The following ZNF652 variants were observed in gnomAD, a reference collection of about 807,000 sequenced individuals.
ZNF652 encodes zinc finger protein 652.
ZNF652 carries 16 observed loss-of-function variants against 45.2 expected under a neutral mutation model. The observed-to-expected ratio is 0.35, with a 90% CI of 0.24 to 0.54. ZNF652 has a LOEUF of 0.54. ZNF652 is among the 20% of genes least tolerant of loss of function. The probability of loss-of-function intolerance (pLI) is 0.91; values close to 1 mark genes in which losing one functional copy is unlikely to be tolerated. For synonymous variants in ZNF652, 250 were observed against 260.6 expected (o/e 0.96, Z 0.39); for missense variants, 614 against 765.6 (o/e 0.80, Z 2.34).
downstream of ZNF652, among the ~76,000 whole-genome samples, chr17:49,288,866 G>A (rs944438823): frequency 6.6e-6 from 1 of 152,152 alleles, no homozygotes; most frequent in African/African-American, 2.4e-5. Context: ...AATTGGTTCA[G>A]AACCCAATCC....
intron 1 of ZNF652, among the ~76,000 whole-genome samples, chr17:49,327,754 T>A (rs1480890981): frequency 1.8e-4 from 1 of 5,554 alleles, no homozygotes; most frequent in African/African-American, 1.0e-3. Flanking sequence ...TATATATATA[T>A]ATATATATAT....
chr17:49,298,483 T>C lies in ZNF652; in HGVS notation c.1751A>G (p.His584Arg). 2 of 1,612,936 alleles carry C rather than the reference T, an allele frequency of 1.2e-6. No homozygotes were observed. Among genetic ancestry groups the C allele is most frequent in the Admixed American group, 1.7e-5 (1 of 59,960 alleles). ...AAAGTTGTCCTCACTCTGGCCTCTA[T>C]GATTTAAAGGCTCACTCTTAAAGAG... ...PALFKSEPLN[H>R]RGQSEDNFLR... Residue 584 changes from histidine to arginine, a missense_variant, in exon 6 of 6, where the codon CAT becomes CGT. This residue lies in a region of ZNF652 where 132 missense variants were observed against 137.2 expected (regional missense o/e 0.96). Coordinates refer to ENST00000430262, the MANE Select transcript of ZNF652 (RefSeq NM_001145365.3).
intron 1 of ZNF652, among the ~76,000 whole-genome samples, chr17:49,319,533 G>A (rs1015093521): frequency 4.0e-5 from 6 of 150,502 alleles, no homozygotes; most frequent in South Asian, 2.1e-4. Flanking sequence ...CTCAGGAGAC[G>A]GAGGCAGGAG....
intron 1 of ZNF652, among the ~76,000 whole-genome samples, chr17:49,325,977 A>G (rs1409203541): frequency 6.6e-6 from 1 of 152,146 alleles, no homozygotes; most frequent in Admixed American, 6.5e-5. Flanking sequence ...TATTTTTCCC[A>G]TAAGTCCTGT....
At chr17:49,359,561 C>T (rs533023237) in intron 1 of ZNF652, among the ~76,000 whole-genome samples, 1 of 152,222 alleles carries the variant, frequency 6.6e-6, no homozygotes, top group South Asian at 2.1e-4. Flanking sequence ...CCTAAAGAGC[C>T]GGTACTGTGC....
chr17:49,343,662 T>TC (rs1260375421), intron 1 of ZNF652, among the ~76,000 whole-genome samples: 5 of 152,114 alleles, frequency 3.3e-5, no homozygotes, highest in Admixed American at 6.6e-5. Context: ...AATAACTTTT[T>TC]TTTTTTTTTT....
chr17:49,317,182 C>T lies in ZNF652; in HGVS notation c.544G>A (p.Val182Ile), dbSNP rs1319668324. ...CTTTGTGTAACGCTGACTTTCTCTA[C>T]TATCTTCTCCTTTTTCTTCTGCTTT... ...NEKQKKKEKI[V>I]EKVSVTQRRT... Residue 182 changes from valine (V) to isoleucine (I), a missense_variant, in exon 2 of 6, where the codon GTA becomes ATA. Around this residue, in one of 5 missense-constraint regions of ZNF652, gnomAD observed 262 missense variants for 306.3 expected, o/e 0.86. Transcript: ENST00000430262. The T allele has an allele frequency of 6.2e-6, 10 of 1,613,662 alleles. No homozygotes were observed. The East Asian group carries it at 6.7e-5, about 11-fold the overall frequency.
chr17:49,317,242 C>CCTCTTCCTCACT lies in ZNF652; in HGVS notation c.472_483dup (p.Ser158_Glu161dup). Reference sequence around the variant, plus strand: ...CCATAGTCATTGCTGTCATCTGTGGCCTCTTCCTCACTCTCTTCCTCTTCC... The same window carrying CCTCTTCCTCACT: ...CCATAGTCATTGCTGTCATCTGTGGCCTCTTCCTCACTCTCTTCCTCACTCTCTTCCTCTTCC... On this transcript the variant is annotated inframe_insertion, in exon 2 of 6. Transcript: ENST00000430262. 1.2e-6 allele frequency: 2 copies of CCTCTTCCTCACT among 1,613,100 alleles called. No individual in the cohort carries two copies. Among genetic ancestry groups the CCTCTTCCTCACT allele is most frequent in the Non-Finnish European group, 1.7e-6 (2 of 1,180,010 alleles).
intron 1 of ZNF652, among the ~76,000 whole-genome samples, chr17:49,340,161 T>C (rs373133489): frequency 6.6e-6 from 1 of 152,254 alleles, no homozygotes; most frequent in African/African-American, 2.4e-5. Flanking sequence ...ACGCCTGTAA[T>C]CCCAACACTT....
At chr17:49,354,520 A>G (rs1408001164) in intron 1 of ZNF652, among the ~76,000 whole-genome samples, 6 of 151,654 alleles carry the variant, frequency 4.0e-5, no homozygotes, top group Non-Finnish European at 5.9e-5. Flanking sequence ...CCAAGGCAGG[A>G]GAATCACTTG....
intron 1 of ZNF652, among the ~76,000 whole-genome samples, chr17:49,336,915 C>T (rs1376757962): frequency 1.3e-5 from 2 of 149,906 alleles, no homozygotes; most frequent in African/African-American, 2.5e-5. Flanking sequence ...CGACCACACC[C>T]GGCCCCGGCC....
At chr17:49,346,377 C>G (rs1245021059) in intron 1 of ZNF652, among the ~76,000 whole-genome samples, 3 of 152,216 alleles carry the variant, frequency 2.0e-5, no homozygotes, top group Non-Finnish European at 4.4e-5. Context: ...GTGGCAAAAC[C>G]CTGTCTCTAC....
intron 1 of ZNF652, among the ~76,000 whole-genome samples, chr17:49,353,499 C>CA (rs746171202): frequency 2.0e-4 from 30 of 151,724 alleles, no homozygotes; most frequent in Non-Finnish European, 4.0e-4. Context: ...TTTTTTGAGA[C>CA]AGAGTCTCGC....
rs1019785860 is a variant in ZNF652 at position 49,362,130 on chromosome 17, T to G, written c.-480A>C. 1 of 149,276 alleles carries G rather than the reference T, an allele frequency of 6.7e-6. No homozygotes were observed. Among genetic ancestry groups the G allele is most frequent in the Non-Finnish European group, 1.5e-5 (1 of 66,970 alleles). 9.2% of individuals were successfully genotyped at this position (149,276 alleles called of 1,614,324 possible). ...GGCCGCCGCTCCGACGTCTCGCGACTCCCTTCCCAGCGCGCGAGGGCGAGC... is the reference window on the plus strand; with the variant it reads ...GGCCGCCGCTCCGACGTCTCGCGACGCCCTTCCCAGCGCGCGAGGGCGAGC... On this transcript the variant is annotated 5_prime_UTR_variant, in exon 1 of 6. Coordinates refer to ENST00000430262, the MANE Select transcript of ZNF652 (RefSeq NM_001145365.3).
At chr17:49,348,550 G>A (rs1477140818) in intron 1 of ZNF652, among the ~76,000 whole-genome samples, 3 of 132,316 alleles carry the variant, frequency 2.3e-5, no homozygotes, top group South Asian at 2.6e-4. Context: ...AAAAACCCCC[G>A]CAAGGAGAGG....
chr17:49,303,829 T>A (rs1461347558), intron 5 of ZNF652, among the ~76,000 whole-genome samples: 1 of 152,046 alleles, frequency 6.6e-6, no homozygotes, highest in East Asian at 1.9e-4. Flanking sequence ...TGTTTAGGTT[T>A]TTTATGTGCT....
intron 1 of ZNF652, among the ~76,000 whole-genome samples, chr17:49,328,960 G>A (rs370232455): frequency 2.6e-5 from 4 of 152,120 alleles, no homozygotes; most frequent in African/African-American, 9.7e-5. Context: ...CTGAGTTAAT[G>A]GTAAACAACA....
At chr17:49,303,420 T>C (rs937440433) in intron 5 of ZNF652, among the ~76,000 whole-genome samples, 3 of 151,928 alleles carry the variant, frequency 2.0e-5, no homozygotes, top group Non-Finnish European at 2.9e-5. Flanking sequence ...TTTGTATTTT[T>C]AGTAGAGACA....
intron 2 of ZNF652, 147 bp from the exon 3 acceptor site, chr17:49,312,992 A>G (rs1221648578): frequency 1.5e-6 from 1 of 681,720 alleles, no homozygotes; most frequent in African/African-American, 1.8e-5. Context: ...CCAGATTCCA[A>G]CACCAACATC....
Sources: allele counts gnomAD v4.1 joint callset (sites outside exome capture counted in the v4.1 genomes callset), GRCh38; gene constraint gnomAD v4.1.1; regional missense constraint gnomAD v4.1.1; transcripts MANE v1.5; gene names NCBI Gene and HGNC (gene_info 2026-07-23, HGNC 2026-07-21).